The following WASHC4 variants were observed in gnomAD, a reference collection of about 807,000 sequenced individuals.
WASHC4 encodes WASH complex subunit 4, also known as WASH complex subunit 7.
A neutral mutation model predicts 166.6 loss-of-function variants in WASHC4; 86 were observed. The ratio of observed to expected loss-of-function variants is 0.52; its 90% CI spans 0.43 to 0.62. WASHC4 has a LOEUF of 0.62. Ranked by LOEUF, WASHC4 falls within the 20% of genes least tolerant of loss-of-function variation. The pLI is 0.00. For missense variants in WASHC4, 1,262 were observed against 1,382.4 expected, an observed-to-expected ratio of 0.91 and a Z score of 1.38; for synonymous variants, 446 against 451.6, an observed-to-expected ratio of 0.99 and a Z score of 0.16.
chr12:105,138,661 A>C, intron 15 of WASHC4, among the ~76,000 whole-genome samples: 1 of 152,130 alleles, frequency 6.6e-6, no homozygotes, highest in East Asian at 1.9e-4. Context: ...TTCTCCTAAT[A>C]ATTGACTAGA....
chr12:105,137,105 A>G (rs1391810222), intron 14 of WASHC4, among the ~76,000 whole-genome samples: 3 of 152,178 alleles, frequency 2.0e-5, no homozygotes, highest in Non-Finnish European at 4.4e-5. Flanking sequence ...AAGAATCTCC[A>G]TCATTATCTT....
chr12:105,166,918 C>T lies in WASHC4; in HGVS notation c.3509C>T (p.Pro1170Leu). The T allele has an allele frequency of 1.2e-6, 2 of 1,604,182 alleles. No individual in the cohort carries two copies. The highest frequency in any genetic ancestry group is 1.7e-6 in the Non-Finnish European group (2 of 1,174,618). ...TCTGACAGCACTGTGTCTGCTGATC[C>T]TGTTGTGAAATGATACGGATGGTAT... Reference protein sequence around the residue: ...DLSDSTVSADPVVK With the variant: ...DLSDSTVSADLVVK Residue 1170 changes from proline to leucine, a missense_variant, in exon 33 of 33, where the codon CCT (proline) becomes CTT (leucine). Pro to Leu is a moderately conservative substitution (Grantham distance 98). Coordinates refer to ENST00000332180, the MANE Select transcript of WASHC4 (RefSeq NM_015275.3).
chr12:105,107,886 T>TGCGGGTGGACGCTCCTTCGGCCC lies in WASHC4; in HGVS notation c.61+28_61+50dup, dbSNP rs1469707060. ...AGTAAGGGAGCTGCAGGGCGAGGGC[T>TGCGGGTGGACGCTCCTTCGGCCC]GCGGGTGGACGCTCCTTCGGCCCGC... On this transcript the variant is annotated intron_variant, in intron 1 of 32. Coordinates refer to ENST00000332180, the MANE Select transcript of WASHC4 (RefSeq NM_015275.3). The TGCGGGTGGACGCTCCTTCGGCCC allele has an allele frequency of 3.9e-6, 6 of 1,525,168 alleles. No homozygotes were observed. The African/African-American group carries it at 8.3e-5, about 21-fold the overall frequency. The allele number at this position is 1,525,168 out of a possible 1,614,324, so 94.5% of individuals were successfully genotyped here. A position where few individuals can be genotyped will look rare whatever the true frequency, so the allele number is the denominator to read the frequency against.
rs71986370 is a variant in WASHC4, at chr12:105,120,705, CGTGTGTGT to C, written c.561+119_561+126del. 15 of 698,582 alleles carry C rather than the reference CGTGTGTGT, an allele frequency of 2.1e-5. No individual in the cohort carries two copies. The African/African-American group carries it at 2.5e-4, about 12-fold the overall frequency. 43.3% of individuals were successfully genotyped at this position (698,582 alleles called of 1,614,324 possible). A position where few individuals can be genotyped will look rare whatever the true frequency, so the allele number is the denominator to read the frequency against. ...AGTCATAGGAACACTCTTAAAGAGG[CGTGTGTGT>C]GTGTGTGTGTTTGTGTGTGTTTGCA... On this transcript the variant is annotated intron_variant, in intron 8 of 32. Coordinates refer to ENST00000332180, the MANE Select transcript of WASHC4 (RefSeq NM_015275.3).
At position 105,168,669 on chromosome 12, in the gene WASHC4, C is replaced by T. The variant is rs1456282706; in HGVS notation, c.*1738C>T. On this transcript the variant is annotated 3_prime_UTR_variant, in exon 33 of 33. Coordinates refer to ENST00000332180, the MANE Select transcript of WASHC4 (RefSeq NM_015275.3). ...AGTTCACATGCTGACTCCCTGGATA[C>T]CTACAGTTGAGAAGAAAATGACAGA... The T allele has an allele frequency of 1.3e-5, 2 of 151,746 alleles. No homozygotes were observed. Among genetic ancestry groups the T allele is most frequent in the Middle Eastern group, 3.4e-3 (1 of 294 alleles). The allele number at this position is 151,746 out of a possible 1,614,324, so 9.4% of individuals were successfully genotyped here.
At chr12:105,127,002 A>G (rs942357711) in intron 12 of WASHC4, 127 bp from the exon 13 acceptor site, 50 of 762,202 alleles carry the variant, frequency 6.6e-5, no homozygotes, top group Non-Finnish European at 1.1e-5. Flanking sequence ...TAATATATTA[A>G]TAAGTATTTT....
chr12:105,138,455 G>C (rs1882513447), intron 15 of WASHC4, among the ~76,000 whole-genome samples: 1 of 151,866 alleles, frequency 6.6e-6, no homozygotes, highest in Admixed American at 6.5e-5. Context: ...TTGTAATTTA[G>C]ATGAAGTGCT....
intron 10 of WASHC4, 21 bp downstream of exon 10, chr12:105,122,259 CTG>C (rs1344191252): frequency 1.9e-6 from 3 of 1,609,466 alleles, no homozygotes; most frequent in East Asian, 2.2e-5. Flanking sequence ...CTGTATCAGA[CTG>C]TAACAGTGGG....
intron 4 of WASHC4, 85 bp downstream of exon 4, chr12:105,114,512 ATATT>A: frequency 1.1e-6 from 1 of 871,354 alleles, no homozygotes; most frequent in Non-Finnish European, 1.8e-6. Context: ...TGTGCAATAA[ATATT>A]TATTGAATGT....
At chr12:105,146,422 A>G (rs775294199) in intron 22 of WASHC4, 30 bp from the exon 23 acceptor site, 1 of 1,232,678 alleles carries the variant, frequency 8.1e-7, no homozygotes, top group Admixed American at 1.7e-5. Flanking sequence ...AATGAATTAT[A>G]ATAAAACTTG....
intron 25 of WASHC4, 88 bp downstream of exon 25, chr12:105,149,837 A>G (rs919718588): frequency 1.7e-5 from 21 of 1,271,488 alleles, no homozygotes; most frequent in Admixed American, 1.3e-4. Context: ...TTAGATCTCT[A>G]TTGGGGTTTT....
At chr12:105,148,220 A>C (rs1883470101) in intron 24 of WASHC4, 1 of 985,212 alleles carries the variant, frequency 1.0e-6, no homozygotes. Context: ...GGTTATCAAT[A>C]TAGAAATGAA....
rs1466483683 is a variant in WASHC4, at chr12:105,138,309, ATAT to A, written c.1452+302_1452+304del. On this transcript the variant is annotated intron_variant, in intron 15 of 32. Transcript: ENST00000332180. The stretch of plus-strand genomic sequence containing the variant: ...AAAGAAAATGGAAAAGTTAACTTTA[ATAT>A]TATCAGTAAAGCTTTACTCTTGGAA... Among the ~76,000 whole-genome samples the A allele has an allele frequency of 5.3e-5, 8 of 152,110 alleles. No homozygotes were observed. In the South Asian group the frequency reaches 8.3e-4, roughly 16 times the overall value.
intron 24 of WASHC4, 135 bp from the exon 25 acceptor site, chr12:105,149,480 T>C (rs1311970266): frequency 2.0e-6 from 2 of 1,025,342 alleles, no homozygotes; most frequent in Non-Finnish European, 2.5e-6. Flanking sequence ...TCAGGTCCAA[T>C]ATGAAATAGA....
rs896700299 is a variant in WASHC4 at position 105,149,563 on chromosome 12, GAATT to G, written c.2515-47_2515-44del. 24 of 1,194,354 alleles carry G rather than the reference GAATT, an allele frequency of 2.0e-5. No homozygotes were observed. The East Asian group carries it at 3.2e-4, about 16-fold the overall frequency. 74.0% of individuals were successfully genotyped at this position (1,194,354 alleles called of 1,614,324 possible). A position where few individuals can be genotyped will look rare whatever the true frequency, so the allele number is the denominator to read the frequency against. On this transcript the variant is annotated intron_variant, in intron 24 of 32. Transcript: ENST00000332180. ...CAGTAAAATTTATTTGAATTGATTT[GAATT>G]AATTTTTATATTAACTTTTTTCAAC...
intron 7 of WASHC4, among the ~76,000 whole-genome samples, chr12:105,119,063 A>C (rs572933106): frequency 1.3e-5 from 2 of 152,316 alleles, no homozygotes; most frequent in South Asian, 4.1e-4. Flanking sequence ...GGAGGGCTGA[A>C]AGGACAAAGA....
rs997216608 is a variant in WASHC4 at position 105,147,524 on chromosome 12, T to C, written c.2514+378T>C. ...ATAGATAGTAATTTACTTAATGTTA[T>C]TTATGCCCTTTTTGGGGCAGGGTTT... On this transcript the variant is annotated intron_variant, in intron 24 of 32. Transcript: ENST00000332180. 1.9e-5 allele frequency: 15 copies of C among 808,050 alleles called. No individual in the cohort carries two copies. The African/African-American group carries it at 2.2e-4, about 12-fold the overall frequency. The allele number at this position is 808,050 out of a possible 1,614,324, so 50.1% of individuals were successfully genotyped here.
chr12:105,108,339 C>G (rs914169229), intron 1 of WASHC4, among the ~76,000 whole-genome samples: 2 of 152,208 alleles, frequency 1.3e-5, no homozygotes, highest in African/African-American at 2.4e-5. Flanking sequence ...GTTTGGGTGT[C>G]TTTCCCATCG....
intron 6 of WASHC4, 105 bp downstream of exon 6, chr12:105,115,833 C>T: frequency 1.3e-6 from 1 of 770,500 alleles, no homozygotes; most frequent in South Asian, 1.4e-5. Flanking sequence ...GATGTGTACT[C>T]TGAGGATAAG....
Sources: gnomAD v4.1 joint callset for allele counts (sites outside exome capture counted in the v4.1 genomes callset) on GRCh38, gnomAD v4.1.1 for gene constraint, MANE v1.5 for transcripts, NCBI Gene and HGNC (gene_info 2026-07-23, HGNC 2026-07-21) for gene names.